The following GAGE10 variants were observed in gnomAD, a reference collection of about 807,000 sequenced individuals.
The protein encoded by GAGE10 is G antigen 10.
In GAGE10, 9 loss-of-function variants were observed where a neutral mutation model predicts 11.5. The observed-to-expected ratio is 0.78, with a 90% CI of 0.47 to 1.37. The LOEUF is 1.37. Ranked by LOEUF, GAGE10 falls within the 40% of genes most tolerant of loss-of-function variation. The probability of loss-of-function intolerance (pLI) is 0.00; values close to 1 mark genes in which losing one functional copy is unlikely to be tolerated. For missense variants in GAGE10, 83 were observed against 92.9 expected (o/e 0.89, Z 0.44); for synonymous variants, 23 against 29.7 (o/e 0.77, Z 0.73).
chrX:49,308,228 C>A (rs2066364091), intron 3 of GAGE10, among the ~76,000 whole-genome samples: 1 of 112,227 alleles, frequency 8.9e-6, no homozygotes, highest in Admixed American at 9.4e-5. Flanking sequence ...AATTCCTCCT[C>A]AACCCCTCGG....
At chrX:49,311,916 C>T (rs1317653553) in intron 3 of GAGE10, among the ~76,000 whole-genome samples, 2 of 112,488 alleles carry the variant, frequency 1.8e-5, no homozygotes, top group Admixed American at 9.4e-5. Flanking sequence ...GGGTGCCACA[C>T]GCTATAGTCA....
chrX:49,315,214 G>A (rs1462333022), intron 3 of GAGE10, among the ~76,000 whole-genome samples: 1 of 112,292 alleles, frequency 8.9e-6, no homozygotes, highest in Non-Finnish European at 1.9e-5. Context: ...GGGCGTGTGT[G>A]TTAGGAACAA....
chrX:49,317,227 T>G lies in GAGE10; in HGVS notation c.267T>G (p.Asp89Glu), dbSNP rs1557125371. ...VHPKTGCECG[D>E]GPDGQEMGLP... Reference sequence around the variant, plus strand: ...CAAAGACTGGGTGTGAGTGTGGAGATGGTCCTGATGGCCAGGAGATGGGCC... The same window carrying G: ...CAAAGACTGGGTGTGAGTGTGGAGAGGGTCCTGATGGCCAGGAGATGGGCC... The change falls in exon 4 of 5, where the codon GAT becomes GAG. Residue 89 changes from aspartate (D) to glutamate (E), a missense_variant. Transcript: ENST00000407599. 8 of 1,207,617 alleles carry G rather than the reference T, an allele frequency of 6.6e-6. 1 individual carries two copies. Among genetic ancestry groups the G allele is most frequent in the Non-Finnish European group, 9.0e-6 (8 of 892,524 alleles).
chrX:49,317,936 C>T (rs1557125552), intron 4 of GAGE10, among the ~76,000 whole-genome samples: 1 of 75,508 alleles, frequency 1.3e-5, no homozygotes, highest in Non-Finnish European at 2.5e-5. Context: ...AGCACTCATG[C>T]GGGTTCTAAT....
chrX:49,317,193 AG>A lies in GAGE10; in HGVS notation c.235del (p.Val79PhefsTer26), dbSNP rs782028578. Reference sequence around the variant, plus strand: ...AAGCCTGAAGCTGATAGCCAGGAACAGGTTCACCCAAAGACTGGGTGTGAGT... The same window carrying A: ...AAGCCTGAAGCTGATAGCCAGGAACAGTTCACCCAAAGACTGGGTGTGAGT... The part of the protein sequence containing the change: ...GPKPEADSQE[Q>X]VHPKTGCECG... On this transcript the variant is annotated frameshift_variant, in exon 4 of 5. Coordinates refer to ENST00000407599, the MANE Select transcript of GAGE10 (RefSeq NM_001098413.4). LOFTEE classifies it high-confidence loss of function. 38 of 1,204,542 alleles carry A rather than the reference AG, an allele frequency of 3.2e-5. No individual in the cohort carries two copies. The African/African-American group carries it at 4.6e-4, about 14-fold the overall frequency.
intron 1 of GAGE10, among the ~76,000 whole-genome samples, 153 bp from the exon 2 acceptor site, chrX:49,304,699 A>G (rs1232386379): frequency 2.1e-5 from 2 of 95,514 alleles, no homozygotes; most frequent in Non-Finnish European, 4.7e-5. Flanking sequence ...CTTTGTAGGC[A>G]CTCAGAAAAG....
intron 3 of GAGE10, among the ~76,000 whole-genome samples, chrX:49,310,577 G>C (rs2066373176): frequency 1.8e-5 from 2 of 111,768 alleles, no homozygotes; most frequent in Non-Finnish European, 3.8e-5. Flanking sequence ...TGCTTCCGAG[G>C]CAGATCCTGA....
intron 3 of GAGE10, among the ~76,000 whole-genome samples, chrX:49,313,746 A>C (rs1296891700): frequency 8.9e-6 from 1 of 111,788 alleles, no homozygotes; most frequent in African/African-American, 3.3e-5. Flanking sequence ...CAGTGGCAGC[A>C]GTGACTCCCG....
intron 1 of GAGE10, among the ~76,000 whole-genome samples, chrX:49,304,462 G>A (rs1346414748): frequency 8.9e-6 from 1 of 112,971 alleles, no homozygotes; most frequent in Non-Finnish European, 1.9e-5. Flanking sequence ...CTCTGCCAGT[G>A]GGGCGCCATG....
chrX:49,304,649 C>T (rs1374161046), intron 1 of GAGE10, among the ~76,000 whole-genome samples: 2 of 112,988 alleles, frequency 1.8e-5, no homozygotes, highest in Non-Finnish European at 3.7e-5. Flanking sequence ...TGTCACACGC[C>T]TTAAGATGAT....
In GAGE10 at chrX:49,304,886, T is replaced by A; in HGVS notation, c.27T>A (p.Tyr9Ter). The A allele has an allele frequency of 3.3e-6, 4 of 1,209,370 alleles. No individual in the cohort carries two copies. Among genetic ancestry groups the A allele is most frequent in the Non-Finnish European group, 4.5e-6 (4 of 893,603 alleles). Residue 9 changes from tyrosine (Y) to a stop codon, truncating the protein, a stop_gained, in exon 2 of 5, where the codon TAT (tyrosine) becomes TAA (stop). Coordinates refer to ENST00000407599, the MANE Select transcript of GAGE10 (RefSeq NM_001098413.4). LOFTEE classifies it high-confidence loss of function. ...TGAGTTGGCGAGGAAGATCGACCTA[T>A]CGGCCTAGACCAAGACGCTACGTAG... MSWRGRSTYRPRPRRYVEP... is the reference protein window; with the variant it reads MSWRGRST
intron 1 of GAGE10, among the ~76,000 whole-genome samples, chrX:49,304,635 G>C (rs181188668): frequency 1.8e-5 from 2 of 112,875 alleles, no homozygotes; most frequent in Non-Finnish European, 3.7e-5. Context: ...TGTCCTCTGC[G>C]TTTTGTCACA....
At chrX:49,305,781 T>C (rs1258522889) in intron 3 of GAGE10, among the ~76,000 whole-genome samples, 1 of 111,658 alleles carries the variant, frequency 9.0e-6, no homozygotes, top group Non-Finnish European at 1.9e-5. Flanking sequence ...GCGCTGGGAT[T>C]GTGTTTTATC....
intron 3 of GAGE10, among the ~76,000 whole-genome samples, chrX:49,311,062 C>T (rs1232409500): frequency 4.6e-5 from 5 of 107,965 alleles, no homozygotes; most frequent in African/African-American, 1.4e-4. Context: ...AGAAGGCTAC[C>T]GGAGCCAGAC....
chrX:49,305,292 T>C (rs1461843461), intron 2 of GAGE10, 112 bp from the exon 3 acceptor site: 1 of 1,035,033 alleles, frequency 9.7e-7, no homozygotes, highest in East Asian at 3.1e-5. Flanking sequence ...TGGAGAAATG[T>C]CTTTAGGCTT....
chrX:49,316,390 T>A (rs1210076089), intron 3 of GAGE10, among the ~76,000 whole-genome samples: 2 of 112,175 alleles, frequency 1.8e-5, no homozygotes, highest in Non-Finnish European at 3.8e-5. Flanking sequence ...AGATCTCACC[T>A]GCCCCACGAA....
At chrX:49,306,153 AG>A (rs1221207051) in intron 3 of GAGE10, among the ~76,000 whole-genome samples, 1 of 112,487 alleles carries the variant, frequency 8.9e-6, no homozygotes, top group Non-Finnish European at 1.9e-5. Context: ...AAAGCAAAAA[AG>A]GAATTATCCT....
chrX:49,313,654 C>A (rs1160929735), intron 3 of GAGE10, among the ~76,000 whole-genome samples: 1 of 111,682 alleles, frequency 9.0e-6, no homozygotes, highest in Non-Finnish European at 1.9e-5. Context: ...ATGGGATGGG[C>A]CCCATATTGT....
intron 3 of GAGE10, among the ~76,000 whole-genome samples, chrX:49,312,802 G>T (rs1459200875): frequency 1.8e-5 from 2 of 112,737 alleles, no homozygotes; most frequent in East Asian, 5.6e-4. Context: ...ATCCATCAAG[G>T]AACACACATT....
Sources: allele counts gnomAD v4.1 joint callset (sites outside exome capture counted in the v4.1 genomes callset), GRCh38; gene constraint gnomAD v4.1.1; transcripts MANE v1.5; gene names NCBI Gene and HGNC (gene_info 2026-07-23, HGNC 2026-07-21).